The following TRIM32 variants were observed in gnomAD, a reference collection of about 807,000 sequenced individuals.
The protein encoded by TRIM32 is E3 ubiquitin-protein ligase TRIM32.
Under a neutral mutation model 36.0 loss-of-function variants are expected in TRIM32, and 19 were observed. That is an observed-to-expected ratio of 0.53 (90% CI 0.37 to 0.77). The LOEUF is 0.77. Among genes scored for constraint, TRIM32 ranks in the 30% least tolerant of loss-of-function variants. The probability of loss-of-function intolerance (pLI) is 0.00; values close to 1 mark genes in which losing one functional copy is unlikely to be tolerated. For synonymous variants in TRIM32, 309 were observed against 318.5 expected (o/e 0.97, Z 0.32); for missense variants, 747 against 845.2 (o/e 0.88, Z 1.44).
At chr9:116,695,025 C>G (rs538766979) in intron 1 of TRIM32, among the ~76,000 whole-genome samples, 4 of 152,112 alleles carry the variant, frequency 2.6e-5, no homozygotes, top group Admixed American at 6.5e-5. Flanking sequence ...ATTAGTGTTC[C>G]TTCTGTGTTA....
chr9:116,693,223 A>G (rs192200916), intron 1 of TRIM32, among the ~76,000 whole-genome samples: 3 of 152,318 alleles, frequency 2.0e-5, no homozygotes, highest in Admixed American at 2.0e-4. Context: ...CATAGTCATT[A>G]CAGTACTCTT....
rs1302603027 is a variant in TRIM32, at chr9:116,698,228, G to A, written c.486G>A (p.Glu162=). Residue 162 remains glutamate (E), a synonymous_variant, in exon 2 of 2, where the codon GAG becomes GAA. Transcript: ENST00000450136. The surrounding 1 kb of genome is among the most constrained non-coding windows in gnomAD (Gnocchi z 4.4). ...KLTRLRELMG[E]LQRRKAALEG... ...CTCGTCTGCGGGAACTTATGGGGGA[G>A]CTGCAGCGGCGGAAGGCAGCCTTGG... 6 of 1,614,054 alleles carry A rather than the reference G, an allele frequency of 3.7e-6. No individual in the cohort carries two copies. The highest frequency in any genetic ancestry group is 5.1e-6 in the Non-Finnish European group (6 of 1,180,046).
At chr9:116,696,054 C>A (rs1271274885) in intron 1 of TRIM32, among the ~76,000 whole-genome samples, 1 of 152,120 alleles carries the variant, frequency 6.6e-6, no homozygotes, top group Non-Finnish European at 1.5e-5. Context: ...GTTCAGACTC[C>A]CCATTATCCC....
At chr9:116,694,851 A>T (rs894687565) in intron 1 of TRIM32, among the ~76,000 whole-genome samples, 8 of 152,062 alleles carry the variant, frequency 5.3e-5, no homozygotes, top group African/African-American at 1.7e-4. Flanking sequence ...TCATAGTTTC[A>T]GATATCCACA....
At chr9:116,688,404 CAGAG>C (rs1010893490) in intron 1 of TRIM32, among the ~76,000 whole-genome samples, 1 of 151,928 alleles carries the variant, frequency 6.6e-6, no homozygotes, top group Non-Finnish European at 1.5e-5. Flanking sequence ...GCATGGGAGA[CAGAG>C]GGAGTTCAGG....
At position 116,697,948 on chromosome 9, in the gene TRIM32, G is replaced by T. The variant is rs11556350; in HGVS notation, c.206G>T (p.Arg69Leu). The change falls in exon 2 of 2, where the codon CGC becomes CTC. Residue 69 changes from arginine (R) to leucine (L), a missense_variant. Physicochemically the swap from Arg to Leu is moderately radical, Grantham distance 102 (BLOSUM62 -2). Transcript: ENST00000450136. ...VRCPFCSKIT[R>L]ITSLTQLTDN... The stretch of plus-strand genomic sequence containing the variant: ...TGTCCCTTTTGCAGCAAGATTACCC[G>T]CATAACCAGCTTGACCCAGCTGACA... 1 of 1,614,156 alleles carries T rather than the reference G, an allele frequency of 6.2e-7. No homozygotes were observed. Among genetic ancestry groups the T allele is most frequent in the Non-Finnish European group, 8.5e-7 (1 of 1,180,042 alleles).
chr9:116,691,110 G>A (rs1001385471), intron 1 of TRIM32, among the ~76,000 whole-genome samples: 11 of 152,122 alleles, frequency 7.2e-5, no homozygotes, highest in Non-Finnish European at 1.5e-4. Context: ...TGTAGAGATG[G>A]TGTTTCACTC....
Position 116,699,145 on chromosome 9 carries a change from A to C in TRIM32, c.1403A>C (p.Gln468Pro). The change falls in exon 2 of 2, where the codon CAG becomes CCG. Residue 468 changes from glutamine to proline, a missense_variant. Transcript: ENST00000450136. This position sits in a 1 kb window ranked among gnomAD's most constrained non-coding sequence, Gnocchi z 4.2. ...CACTGCGTGGCCTGTCACAGGAGCC[A>C]GCTGAGCAAACCATGGGGTATCACA... is the stretch of plus-strand genomic sequence containing the variant. ...DGHCVACHRSQLSKPWGITAL... is the reference protein window; with the variant it reads ...DGHCVACHRSPLSKPWGITAL... 1.2e-6 allele frequency: 2 copies of C among 1,614,256 alleles called. No homozygotes were observed. Among genetic ancestry groups the C allele is most frequent in the South Asian group, 1.1e-5 (1 of 91,088 alleles).
intron 1 of TRIM32, among the ~76,000 whole-genome samples, chr9:116,697,124 G>A (rs1293717170): frequency 6.6e-6 from 1 of 152,130 alleles, no homozygotes; most frequent in Non-Finnish European, 1.5e-5. Context: ...CTGTACTCCA[G>A]CAGAACATTA....
At chr9:116,692,595 G>C (rs573783882) in intron 1 of TRIM32, among the ~76,000 whole-genome samples, 17 of 152,260 alleles carry the variant, frequency 1.1e-4, no homozygotes, top group Middle Eastern at 3.4e-3. Context: ...ACAATAAGTA[G>C]TAGAGCTTGA....
Position 116,699,453 on chromosome 9 carries a change from G to C in TRIM32, c.1711G>C (p.Glu571Gln). The C allele has an allele frequency of 6.2e-7, 1 of 1,614,210 alleles. No individual in the cohort carries two copies. The highest frequency in any genetic ancestry group is 1.1e-5 in the South Asian group (1 of 91,078). Residue 571 changes from glutamate to glutamine, a missense_variant, in exon 2 of 2, where the codon GAG becomes CAG. Coordinates refer to ENST00000450136, the MANE Select transcript of TRIM32 (RefSeq NM_012210.4). The surrounding 1 kb of genome is among the most constrained non-coding windows in gnomAD (Gnocchi z 4.2). ...LGRQISHFFS[E>Q]NEDFRCIAGM... is the part of the protein sequence containing the mutation. ...TCGCCAGATTAGCCACTTCTTCTCGGAGAATGAGGATTTCCGCTGCATTGC... is the reference window on the plus strand; with the variant it reads ...TCGCCAGATTAGCCACTTCTTCTCGCAGAATGAGGATTTCCGCTGCATTGC...
intron 1 of TRIM32, 45 bp downstream of exon 1, chr9:116,687,426 A>T (rs1860308637): frequency 4.5e-6 from 1 of 222,456 alleles, no homozygotes; most frequent in Admixed American, 6.7e-5. Context: ...CCGCGGCCGG[A>T]GTCGTGGGCC....
At chr9:116,688,674 A>G (rs1860403475) in intron 1 of TRIM32, among the ~76,000 whole-genome samples, 1 of 152,184 alleles carries the variant, frequency 6.6e-6, no homozygotes, top group Non-Finnish European at 1.5e-5. Context: ...TTTGGGGAAG[A>G]AGAAGTGGAA....
chr9:116,693,396 G>A (rs188871286), intron 1 of TRIM32, among the ~76,000 whole-genome samples: 1 of 152,260 alleles, frequency 6.6e-6, no homozygotes, highest in East Asian at 1.9e-4. Flanking sequence ...TTCATGGAAT[G>A]GGGAAAACCC....
rs1435093218 is a variant in TRIM32 at position 116,699,482 on chromosome 9, C to G, written c.1740C>G (p.Gly580=). 1 of 1,614,184 alleles carries G rather than the reference C, an allele frequency of 6.2e-7. No homozygotes were observed. ...ATGAGGATTTCCGCTGCATTGCTGG[C>G]ATGTGTGTGGATGCTCGTGGTGATC... is the stretch of plus-strand genomic sequence containing the variant. The part of the protein sequence containing the change: ...SENEDFRCIA[G]MCVDARGDLI... Residue 580 remains glycine, a synonymous_variant, in exon 2 of 2, where the codon GGC becomes GGG. Coordinates refer to ENST00000450136, the MANE Select transcript of TRIM32 (RefSeq NM_012210.4). This position sits in a 1 kb window ranked among gnomAD's most constrained non-coding sequence, Gnocchi z 4.2.
At chr9:116,696,848 C>G (rs1860879943) in intron 1 of TRIM32, among the ~76,000 whole-genome samples, 1 of 150,858 alleles carries the variant, frequency 6.6e-6, no homozygotes, top group South Asian at 2.1e-4. Flanking sequence ...ATTTTCTGAT[C>G]TGATGTTTTG....
rs1564217317 is a variant in TRIM32, at chr9:116,698,895, G to A, written c.1153G>A (p.Val385Ile). The change falls in exon 2 of 2, where the codon GTA (valine) becomes ATA (isoleucine). Residue 385 changes from valine to isoleucine, a missense_variant. Physicochemically the swap from Val to Ile is conservative, Grantham distance 29. Coordinates refer to ENST00000450136, the MANE Select transcript of TRIM32 (RefSeq NM_012210.4). The surrounding 1 kb of genome is among the most constrained non-coding windows in gnomAD (Gnocchi z 4.4). ...VSLYVTSQGEVLVADRGNYRI... is the reference protein window; with the variant it reads ...VSLYVTSQGEILVADRGNYRI... ...TCTCTACGTGACCAGTCAAGGTGAA[G>A]TACTAGTCGCTGACCGTGGTAACTA... is the stretch of plus-strand genomic sequence containing the variant. The A allele has an allele frequency of 9.9e-6, 16 of 1,614,122 alleles. No homozygotes were observed. Among genetic ancestry groups the A allele is most frequent in the Non-Finnish European group, 1.4e-5 (16 of 1,180,056 alleles).
In TRIM32 at chr9:116,699,049, T is replaced by C; in HGVS notation, c.1307T>C (p.Met436Thr). The change falls in exon 2 of 2, where the codon ATG becomes ACG. Residue 436 changes from methionine (M) to threonine (T), a missense_variant. Transcript: ENST00000450136. This position sits in a 1 kb window ranked among gnomAD's most constrained non-coding sequence, Gnocchi z 4.2. ...LPNLTPLSVA[M>T]NCQGLIGVTD... ...AACCTCACTCCTCTCTCAGTGGCAATGAACTGCCAGGGGCTGATTGGTGTG... is the reference window on the plus strand; with the variant it reads ...AACCTCACTCCTCTCTCAGTGGCAACGAACTGCCAGGGGCTGATTGGTGTG... 6.2e-7 allele frequency: 1 copy of C among 1,614,200 alleles called. No individual in the cohort carries two copies. The highest frequency in any genetic ancestry group is 8.5e-7 in the Non-Finnish European group (1 of 1,180,034).
intron 1 of TRIM32, among the ~76,000 whole-genome samples, chr9:116,692,444 G>A (rs1247257652): frequency 2.0e-5 from 3 of 152,132 alleles, no homozygotes; most frequent in Admixed American, 2.0e-4. Flanking sequence ...TGCATGCCTG[G>A]CTTGGTACTG....
Sources: allele counts gnomAD v4.1 joint callset (sites outside exome capture counted in the v4.1 genomes callset), GRCh38; gene constraint gnomAD v4.1.1; non-coding constraint Gnocchi (gnomAD v3.1); transcripts MANE v1.5; gene names NCBI Gene and HGNC (gene_info 2026-07-23, HGNC 2026-07-21).